Variants in MYBPC1 observed in about 807,000 individuals in gnomAD.
The protein encoded by MYBPC1 is myosin binding protein C1.
Under a neutral mutation model 147.1 loss-of-function variants are expected in MYBPC1, and 52 were observed. The observed-to-expected ratio is 0.35, with a 90% CI of 0.28 to 0.45. MYBPC1 has a LOEUF of 0.45. Ranked by LOEUF, MYBPC1 falls within the 20% of genes least tolerant of loss-of-function variation. MYBPC1 has a pLI of 1.00. For missense variants in MYBPC1, 1,228 were observed against 1,440.3 expected, an observed-to-expected ratio of 0.85 and a Z score of 2.39; for synonymous variants, 477 against 475.9, an observed-to-expected ratio of 1.00 and a Z score of -0.03.
chr12:101,615,664 C>G (rs1283322791), intron 2 of MYBPC1, among the ~76,000 whole-genome samples: 4 of 68,006 alleles, frequency 5.9e-5, no homozygotes. Flanking sequence ...AACCCCCCGC[C>G]CCCCCCCCGC....
chr12:101,664,569 A>C (rs1382689741), intron 22 of MYBPC1: 1 of 152,248 alleles, frequency 6.6e-6, no homozygotes, highest in Admixed American at 6.5e-5. Context: ...GAGGAAACTC[A>C]CTATGGAGAT....
At chr12:101,631,455 G>T in intron 6 of MYBPC1, 116 bp from the exon 7 acceptor site, 1 of 1,190,302 alleles carries the variant, frequency 8.4e-7, no homozygotes, top group Non-Finnish European at 1.2e-6. Context: ...TCACAATTCC[G>T]AGGGCACCAA....
At chr12:101,630,331 C>T (rs1177864786) in intron 6 of MYBPC1, among the ~76,000 whole-genome samples, 2 of 152,214 alleles carry the variant, frequency 1.3e-5, no homozygotes, top group African/African-American at 4.8e-5. Flanking sequence ...ACCTTCAGCA[C>T]ATAGGAGTCC....
Position 101,651,239 on chromosome 12 carries a change from C to T in MYBPC1, c.1372C>T (p.Leu458=). Residue 458 remains leucine (L), a synonymous_variant, in exon 16 of 32, where the codon CTG becomes TTG. Coordinates refer to ENST00000361466, the MANE Select transcript of MYBPC1 (RefSeq NM_002465.4). ...SAKLSVDLKP[L]KILTPLTDQT... ...GTCTATCATTTCTACAGTGAAACCT[C>T]TGAAGATTTTGACACCTCTGACTGA... is the stretch of plus-strand genomic sequence containing the variant. 6.2e-7 allele frequency: 1 copy of T among 1,614,076 alleles called. No individual in the cohort carries two copies. The highest frequency in any genetic ancestry group is 2.2e-5 in the East Asian group (1 of 44,884).
rs1478934002 is a variant in MYBPC1 at position 101,682,602 on chromosome 12, A to T, written c.3434-2A>T. ...ACTGGTACAAATATTCTGATTCTGC[A>T]GTGATATATCAAGGAGTAAATACCC... On this transcript the variant is annotated splice_acceptor_variant, in intron 29 of 31. Coordinates refer to ENST00000361466, the MANE Select transcript of MYBPC1 (RefSeq NM_002465.4). LOFTEE classifies it high-confidence loss of function. 1 of 1,612,006 alleles carries T rather than the reference A, an allele frequency of 6.2e-7. No individual in the cohort carries two copies. The highest frequency in any genetic ancestry group is 8.5e-7 in the Non-Finnish European group (1 of 1,178,092).
chr12:101,615,073 A>C (rs543664860), intron 2 of MYBPC1: 1 of 177,944 alleles, frequency 5.6e-6, no homozygotes, highest in East Asian at 1.4e-4. Context: ...AGTTCTTAGC[A>C]CCATATTGTC....
rs1422952470 is a variant in MYBPC1 at position 101,629,416 on chromosome 12, C to T, written c.179-18C>T. 2 of 1,502,600 alleles carry T rather than the reference C, an allele frequency of 1.3e-6. No individual in the cohort carries two copies. The highest frequency in any genetic ancestry group is 9.2e-7 in the Non-Finnish European group (1 of 1,091,480). 93.1% of individuals were successfully genotyped at this position (1,502,600 alleles called of 1,614,324 possible). A position where few individuals can be genotyped will look rare whatever the true frequency, so the allele number is the denominator to read the frequency against. ...GCCTGGCCCTGAAATAATCCTTTTC[C>T]TCCTTTCTGCTCATCAGACTGGACC... is the stretch of plus-strand genomic sequence containing the variant. On this transcript the variant is annotated intron_variant, in intron 5 of 31. Coordinates refer to ENST00000361466, the MANE Select transcript of MYBPC1 (RefSeq NM_002465.4).
downstream of MYBPC1, among the ~76,000 whole-genome samples, chr12:101,686,451 T>A (rs773466543): frequency 1.6e-4 from 24 of 152,202 alleles, 1 homozygote; most frequent in Non-Finnish European, 1.8e-4. Context: ...ATTACAGAGT[T>A]AGGGTTTGCT....
chr12:101,673,710 G>A, intron 25 of MYBPC1, 88 bp downstream of exon 25: 2 of 1,412,808 alleles, frequency 1.4e-6, no homozygotes, highest in Non-Finnish European at 2.0e-6. Context: ...CAGGAGTTTT[G>A]TTAGGCTGGC....
At chr12:101,628,392 G>A (rs1453999151) in intron 5 of MYBPC1, among the ~76,000 whole-genome samples, 1 of 152,130 alleles carries the variant, frequency 6.6e-6, no homozygotes, top group African/African-American at 2.4e-5. Context: ...ATTAGCTTGG[G>A]TGTTTAAAAA....
At chr12:101,617,121 T>G (rs1886282096) in intron 2 of MYBPC1, 81 bp from the exon 3 acceptor site, 1 of 1,296,252 alleles carries the variant, frequency 7.7e-7, no homozygotes, top group Non-Finnish European at 1.1e-6. Flanking sequence ...ATTTCTTCCC[T>G]CCCCCTCTCC....
intron 1 of MYBPC1, chr12:101,600,245 T>A (rs1312630658): frequency 6.6e-6 from 1 of 151,814 alleles, no homozygotes; most frequent in Admixed American, 6.6e-5. Flanking sequence ...GAACTTACAA[T>A]CCTTTATGCT....
Position 101,661,241 on chromosome 12 carries a change from G to T in MYBPC1, c.2011G>T (p.Asp671Tyr). 6.2e-7 allele frequency: 1 copy of T among 1,613,144 alleles called. No homozygotes were observed. Among genetic ancestry groups the T allele is most frequent in the East Asian group, 2.2e-5 (1 of 44,866 alleles). Residue 671 changes from aspartate (D) to tyrosine (Y), a missense_variant, in exon 20 of 32, where the codon GAC becomes TAC. By Grantham distance (160) the Asp-to-Tyr change is radical. This residue lies in a region of MYBPC1 where 1,077 missense variants were observed against 1,314.2 expected (regional missense o/e 0.82). Transcript: ENST00000361466. ...CIMNWEPPAYDGGSPILGYFI... is the reference protein window; with the variant it reads ...CIMNWEPPAYYGGSPILGYFI... ...CATGAACTGGGAGCCTCCTGCCTACGACGGAGGCTCTCCAATCCTAGGTAA... is the reference window on the plus strand; with the variant it reads ...CATGAACTGGGAGCCTCCTGCCTACTACGGAGGCTCTCCAATCCTAGGTAA...
At chr12:101,614,351 G>A (rs1368055132) in intron 1 of MYBPC1, 145 bp from the exon 2 acceptor site, 2 of 792,576 alleles carry the variant, frequency 2.5e-6, no homozygotes, top group Non-Finnish European at 4.3e-6. Flanking sequence ...AGAGAGAAGA[G>A]AGAATGTGTT....
chr12:101,615,575 A>C (rs1330042909), intron 2 of MYBPC1, among the ~76,000 whole-genome samples: 1 of 151,904 alleles, frequency 6.6e-6, no homozygotes, highest in Non-Finnish European at 1.5e-5. Context: ...TTTGCAGCCA[A>C]GTAGAAAATA....
chr12:101,614,675 G>C, intron 2 of MYBPC1, 144 bp downstream of exon 2: 2 of 801,782 alleles, frequency 2.5e-6, no homozygotes, highest in Non-Finnish European at 4.2e-6. Context: ...ATTGTGATAA[G>C]TTGAGAATAA....
intron 1 of MYBPC1, among the ~76,000 whole-genome samples, chr12:101,596,174 T>G (rs890836957): frequency 6.6e-6 from 1 of 152,182 alleles, no homozygotes; most frequent in African/African-American, 2.4e-5. Context: ...CTAACCAAAT[T>G]ATCAAAAGTC....
chr12:101,662,528 A>C lies in MYBPC1; in HGVS notation c.2203A>C (p.Arg735=). Residue 735 remains arginine (R), a synonymous_variant, in exon 21 of 32, where the codon AGG becomes CGG. Transcript: ENST00000361466. The part of the protein sequence containing the change: ...IGISKPSMPS[R]PFVPLAVTSP... ...CATCTCCAAGCCCAGTATGCCCTCC[A>C]GGCCTTTTGTTCCTTTGGGTAAGTC... 1 of 1,614,186 alleles carries C rather than the reference A, an allele frequency of 6.2e-7. No homozygotes were observed. Among genetic ancestry groups the C allele is most frequent in the Non-Finnish European group, 8.5e-7 (1 of 1,180,002 alleles).
intron 4 of MYBPC1, 151 bp downstream of exon 4, chr12:101,627,061 G>T: frequency 1.4e-6 from 1 of 705,570 alleles, no homozygotes; most frequent in Admixed American, 2.7e-5. Context: ...AGGAAATGTT[G>T]GCTTTAATGA....
Sources: gnomAD v4.1 joint callset for allele counts (sites outside exome capture counted in the v4.1 genomes callset) on GRCh38, gnomAD v4.1.1 for gene constraint, gnomAD v4.1.1 regional missense constraint, MANE v1.5 for transcripts, NCBI Gene and HGNC (gene_info 2026-07-23, HGNC 2026-07-21) for gene names.